Variants in PRDM2 observed in about 807,000 individuals in gnomAD.
PRDM2 encodes PR domain zinc finger protein 2.
PRDM2 carries 30 observed loss-of-function variants against 130.0 expected under a neutral mutation model. That is an observed-to-expected ratio of 0.23 (90% confidence interval 0.17 to 0.31). PRDM2 has a LOEUF of 0.31. Ranked by LOEUF, PRDM2 falls within the 10% of genes least tolerant of loss-of-function variation. The pLI is 1.00. For synonymous variants in PRDM2, 871 were observed against 782.4 expected, an observed-to-expected ratio of 1.11 and a Z score of -1.89; for missense variants, 2,011 against 2,108.4, an observed-to-expected ratio of 0.95 and a Z score of 0.90.
intron 6 of PRDM2, among the ~76,000 whole-genome samples, chr1:13,768,506 A>G (rs1163925015): frequency 1.3e-5 from 2 of 151,966 alleles, no homozygotes; most frequent in African/African-American, 4.8e-5. Flanking sequence ...CAGCCTCCCA[A>G]GTAGCTGGGA....
chr1:13,782,772 T>C lies in PRDM2; in HGVS notation c.4977T>C (p.Ala1659=). Residue 1659 remains alanine (A), a synonymous_variant, in exon 8 of 10, where the codon GCT becomes GCC. Transcript: ENST00000311066. The part of the protein sequence containing the change: ...VTRSLQLAAA[A]DLSENKREDG... ...GGAGCCTTCAGCTGGCAGCTGCTGC[T>C]GACTTGAGTGAGAACAAGAGAGAGG... 1 of 1,611,494 alleles carries C rather than the reference T, an allele frequency of 6.2e-7. No individual in the cohort carries two copies. Among genetic ancestry groups the C allele is most frequent in the Non-Finnish European group, 8.5e-7 (1 of 1,179,270 alleles).
intron 6 of PRDM2, chr1:13,770,228 T>G: frequency 2.5e-6 from 1 of 394,798 alleles, no homozygotes; most frequent in Non-Finnish European, 5.0e-6. Flanking sequence ...TCTCGCTGAT[T>G]AGGTTTTGTT....
chr1:13,701,643 C>T (rs1642077567), intron 1 of PRDM2, among the ~76,000 whole-genome samples: 1 of 152,138 alleles, frequency 6.6e-6, no homozygotes, highest in Non-Finnish European at 1.5e-5. Flanking sequence ...TTAGTTTAGC[C>T]TTGAGATGAC....
intron 4 of PRDM2, among the ~76,000 whole-genome samples, chr1:13,734,498 T>G (rs992201428): frequency 6.6e-6 from 1 of 152,188 alleles, no homozygotes. Flanking sequence ...AACAACTTGA[T>G]GTTGTTGGGC....
At chr1:13,812,283 A>G (rs563397716) in intron 8 of PRDM2, among the ~76,000 whole-genome samples, 1 of 151,410 alleles carries the variant, frequency 6.6e-6, no homozygotes, top group Non-Finnish European at 1.5e-5. Context: ...GTGGACCTGG[A>G]GGCAGAATTA....
intron 6 of PRDM2, among the ~76,000 whole-genome samples, chr1:13,767,466 T>C (rs1295697845): frequency 6.8e-6 from 1 of 147,006 alleles, no homozygotes; most frequent in Non-Finnish European, 1.5e-5. Flanking sequence ...TAATTTTTTC[T>C]ATTTTTTTTT....
chr1:13,788,878 TC>T (rs1285539971), intron 8 of PRDM2, among the ~76,000 whole-genome samples: 3 of 152,302 alleles, frequency 2.0e-5, no homozygotes, highest in Admixed American at 1.3e-4. Context: ...GGCTGCGTCT[TC>T]TGTGTTTTAG....
At chr1:13,816,729 T>C (rs1645264724) in intron 9 of PRDM2, among the ~76,000 whole-genome samples, 159 bp downstream of exon 9, 1 of 152,166 alleles carries the variant, frequency 6.6e-6, no homozygotes, top group South Asian at 2.1e-4. Flanking sequence ...GGCACTTAGC[T>C]GAGTGCAGAC....
chr1:13,715,588 A>G lies in PRDM2; in HGVS notation c.-18A>G. On this transcript the variant is annotated 5_prime_UTR_variant, in exon 2 of 10. Transcript: ENST00000311066. ...TCTTTGTTGTGTGTATCTTTACAGA[A>G]CACAACAGGAATTGAAAATGAATCA... 1 of 1,587,244 alleles carries G rather than the reference A, an allele frequency of 6.3e-7. No individual in the cohort carries two copies. Among genetic ancestry groups the G allele is most frequent in the Non-Finnish European group, 8.6e-7 (1 of 1,168,242 alleles).
In PRDM2 at chr1:13,749,364, A is replaced by G. The variant is rs2100534582; in HGVS notation, c.388A>G (p.Ile130Val). 1 of 1,482,294 alleles carries G rather than the reference A, an allele frequency of 6.7e-7. No individual in the cohort carries two copies. Among genetic ancestry groups the G allele is most frequent in the African/African-American group, 1.5e-5 (1 of 67,992 alleles). 91.8% of individuals were successfully genotyped at this position (1,482,294 alleles called of 1,614,324 possible). Residue 130 changes from isoleucine to valine, a missense_variant, in exon 6 of 10, where the codon ATC becomes GTC. Transcript: ENST00000311066. The part of the protein sequence containing the change: ...RAIYYKTLKP[I>V]APGEELLVWY... ...CTTGTCTCTTCTCTCCCCGCAGCCA[A>G]TCGCGCCGGGCGAGGAGCTCCTGGT...
intron 8 of PRDM2, among the ~76,000 whole-genome samples, chr1:13,790,879 G>A (rs901755799): frequency 2.6e-5 from 4 of 152,122 alleles, no homozygotes; most frequent in African/African-American, 7.2e-5. Context: ...TGGTGGAAAT[G>A]ATCTGAGAAG....
In PRDM2 at chr1:13,803,730, AG is replaced by A. The variant is rs1480177818; in HGVS notation, c.5037-12695del. On this transcript the variant is annotated intron_variant, in intron 8 of 9. Transcript: ENST00000311066. This position sits in a 1 kb window ranked among gnomAD's most constrained non-coding sequence, Gnocchi z 6.2. ...CCCCGCGGGCAGGTTCTCCGGGCCG[AG>A]GTCACTGCAGGCCAGGCCGGGCCAG... Among the ~76,000 whole-genome samples the A allele has an allele frequency of 1.3e-5, 2 of 152,142 alleles. No homozygotes were observed. The highest frequency in any genetic ancestry group is 2.9e-5 in the Non-Finnish European group (2 of 68,022).
intron 8 of PRDM2, among the ~76,000 whole-genome samples, chr1:13,795,250 G>A (rs1431274392): frequency 6.6e-6 from 1 of 152,132 alleles, no homozygotes; most frequent in Non-Finnish European, 1.5e-5. Context: ...ATGCTTGCTG[G>A]CCACGATGTA....
intron 5 of PRDM2, among the ~76,000 whole-genome samples, chr1:13,743,379 A>C (rs1236985577): frequency 1.4e-5 from 2 of 141,040 alleles, no homozygotes; most frequent in Non-Finnish European, 3.0e-5. Context: ...CAGCCTGGGT[A>C]ACAGAGCAAG....
chr1:13,813,590 G>A (rs562447974), intron 8 of PRDM2, among the ~76,000 whole-genome samples: 8 of 152,194 alleles, frequency 5.3e-5, no homozygotes, highest in Non-Finnish European at 1.2e-4. Context: ...AAAAGCACTT[G>A]TTCTTCCTAC....
intron 1 of PRDM2, chr1:13,705,655 CCGGGAAGGT>C (rs1352480126): frequency 1.3e-5 from 2 of 152,226 alleles, no homozygotes; most frequent in African/African-American, 4.8e-5. Flanking sequence ...GGTACTTTTC[CCGGGAAGGT>C]CGGGCATCTC....
At chr1:13,817,282 G>C (rs1645272698) in intron 9 of PRDM2, among the ~76,000 whole-genome samples, 1 of 152,042 alleles carries the variant, frequency 6.6e-6, no homozygotes, top group African/African-American at 2.4e-5. Context: ...AAAAATTTCG[G>C]GTCTCAAGCA....
Position 13,739,882 on chromosome 1 carries a change from AT to A in PRDM2, c.232-2115del, listed in dbSNP as rs199705220. 3.6e-4 allele frequency among the ~76,000 whole-genome samples: 54 copies of A among 152,044 alleles called. 1 individual carries two copies. In the East Asian group the frequency reaches 9.5e-3, roughly 27 times the overall value. On this transcript the variant is annotated intron_variant, in intron 4 of 9. Transcript: ENST00000311066. ...TCACACCCTTTCCTATCTTTAAGAA[AT>A]TTTTTTTGTGTGCCCATTTAAAAGG...
In PRDM2 at chr1:13,781,323, C is replaced by T; in HGVS notation, c.3528C>T (p.Asp1176=). ...FCVQLFKDKT[D]LSEHRFLLHG... ...TGCAGCTTTTTAAGGATAAAACGGA[C>T]TTGTCAGAACATCGCTTTTTGCTTC... Residue 1176 remains aspartate, a synonymous_variant, in exon 8 of 10, where the codon GAC becomes GAT. Coordinates refer to ENST00000311066, the MANE Select transcript of PRDM2 (RefSeq NM_001393986.1). This position sits in a 1 kb window ranked among gnomAD's most constrained non-coding sequence, Gnocchi z 6.1. 1 of 1,614,144 alleles carries T rather than the reference C, an allele frequency of 6.2e-7. No individual in the cohort carries two copies. Among genetic ancestry groups the T allele is most frequent in the East Asian group, 2.2e-5 (1 of 44,884 alleles).
Sources: gnomAD v4.1 joint callset for allele counts (sites outside exome capture counted in the v4.1 genomes callset) on GRCh38, gnomAD v4.1.1 for gene constraint, Gnocchi (gnomAD v3.1) non-coding constraint, MANE v1.5 for transcripts, NCBI Gene and HGNC (gene_info 2026-07-23, HGNC 2026-07-21) for gene names.